The following MTA3 variants were observed in gnomAD, a reference collection of about 807,000 sequenced individuals.
MTA3 encodes metastasis-associated protein MTA3.
A neutral mutation model predicts 83.5 loss-of-function variants in MTA3; 34 were observed. The observed-to-expected ratio is 0.41, with a 90% CI of 0.31 to 0.54. The LOEUF is 0.54. MTA3 is among the 20% of genes least tolerant of loss of function. The pLI is 0.33. For missense variants in MTA3, 761 were observed against 726.4 expected (o/e 1.05, Z -0.55); for synonymous variants, 303 against 252.7 (o/e 1.20, Z -1.89).
At chr2:42,632,190 C>T (rs777400844) in intron 4 of MTA3, among the ~76,000 whole-genome samples, 1 of 144,870 alleles carries the variant, frequency 6.9e-6, no homozygotes, top group African/African-American at 2.6e-5. Flanking sequence ...CCCAGGTTCA[C>T]GCCATTCTCC....
In MTA3 at chr2:42,699,349, G is replaced by A. The variant is rs147765258; in HGVS notation, c.1025+1515G>A. ...CCCAGGTAGCTGGGACTATAGGCAC[G>A]CACCACCACACCCGACTAATTTATT... On this transcript the variant is annotated intron_variant, in intron 11 of 16. Transcript: ENST00000405094. Among the ~76,000 whole-genome samples, 14 of 152,184 alleles carry A rather than the reference G, an allele frequency of 9.2e-5. No individual in the cohort carries two copies. The South Asian group carries it at 2.7e-3, about 29-fold the overall frequency.
intron 7 of MTA3, among the ~76,000 whole-genome samples, chr2:42,658,931 C>CAA (rs528285589): frequency 3.9e-4 from 40 of 102,122 alleles, no homozygotes; most frequent in African/African-American, 1.2e-3. Context: ...TTTAATTAGC[C>CAA]AAAAAAAAAA....
At chr2:42,508,395 C>T (rs1447384831) in intron 2 of MTA3, among the ~76,000 whole-genome samples, 1 of 151,810 alleles carries the variant, frequency 6.6e-6, no homozygotes, top group African/African-American at 2.4e-5. Flanking sequence ...GCAGTGGCAC[C>T]ATCTCCACTC....
intron 4 of MTA3, among the ~76,000 whole-genome samples, chr2:42,630,429 G>A (rs1173566710): frequency 1.3e-5 from 2 of 152,208 alleles, no homozygotes; most frequent in African/African-American, 4.8e-5. Context: ...CAGGTCTTCA[G>A]TGTTTTAGTC....
chr2:42,682,195 C>A (rs1375817362), intron 8 of MTA3, among the ~76,000 whole-genome samples: 2 of 151,942 alleles, frequency 1.3e-5, no homozygotes, highest in Non-Finnish European at 2.9e-5. Flanking sequence ...TGCTCCCCTC[C>A]CCCCAAATAA....
At chr2:42,605,710 G>A (rs1332411559) in intron 3 of MTA3, among the ~76,000 whole-genome samples, 1 of 129,100 alleles carries the variant, frequency 7.7e-6, no homozygotes, top group Admixed American at 7.3e-5. Flanking sequence ...GGCCGGGCGG[G>A]GGGCCGACCC....
chr2:42,534,180 G>C (rs1676112471), intron 2 of MTA3, among the ~76,000 whole-genome samples: 1 of 152,172 alleles, frequency 6.6e-6, no homozygotes, highest in Admixed American at 6.6e-5. Context: ...TCTGAAGGTA[G>C]GGAGCAGATT....
In MTA3 at chr2:42,753,517, G is replaced by A. The variant is rs1409824809; in HGVS notation, c.*118G>A. 19 of 1,521,322 alleles carry A rather than the reference G, an allele frequency of 1.2e-5. No individual in the cohort carries two copies. The highest frequency in any genetic ancestry group is 2.0e-5 in the Admixed American group (1 of 48,814). The allele number at this position is 1,521,322 out of a possible 1,614,324, so 94.2% of individuals were successfully genotyped here. On this transcript the variant is annotated 3_prime_UTR_variant, in exon 17 of 17. Coordinates refer to ENST00000405094, the MANE Select transcript of MTA3 (RefSeq NM_001330442.2). ...GTACATTTCAGTGGGAGACCTCTGC[G>A]TGCATCCATGGAGACGCAATGGGGC...
rs77890268 is a variant in MTA3, at chr2:42,663,827, C to T, written c.702+3965C>T. ...CTCCTTCTAGGAAGTTACCTTCACA[C>T]CCTTCAGTGTTTTTTATCTCTCCTG... On this transcript the variant is annotated intron_variant, in intron 8 of 16. Coordinates refer to ENST00000405094, the MANE Select transcript of MTA3 (RefSeq NM_001330442.2). Among the ~76,000 whole-genome samples the T allele has an allele frequency of 8.5e-3, 1,289 of 152,284 alleles. 18 individuals carry two copies. Among genetic ancestry groups the T allele is most frequent in the African/African-American group, 0.029 (1,188 of 41,554 alleles).
At chr2:42,506,061 A>G (rs2103655056) in intron 2 of MTA3, among the ~76,000 whole-genome samples, 1 of 152,156 alleles carries the variant, frequency 6.6e-6, no homozygotes, top group African/African-American at 2.4e-5. Flanking sequence ...TACCACACCC[A>G]GCCCCCTCAA....
chr2:42,512,305 T>G (rs1184648239), intron 2 of MTA3, among the ~76,000 whole-genome samples: 2 of 152,072 alleles, frequency 1.3e-5, no homozygotes, highest in Non-Finnish European at 2.9e-5. Flanking sequence ...TGATGAGAGA[T>G]GAGTGCCCAC....
intron 8 of MTA3, among the ~76,000 whole-genome samples, chr2:42,677,070 C>G (rs555070023): frequency 6.6e-6 from 1 of 152,128 alleles, no homozygotes; most frequent in East Asian, 1.9e-4. Flanking sequence ...TACACTATAC[C>G]TAACATAAGG....
chr2:42,555,464 A>G (rs1677336256), intron 2 of MTA3, among the ~76,000 whole-genome samples: 1 of 149,570 alleles, frequency 6.7e-6, no homozygotes, highest in African/African-American at 2.5e-5. Context: ...TCAAAAAAAA[A>G]AAAAAAAAAA....
intron 6 of MTA3, among the ~76,000 whole-genome samples, chr2:42,646,179 A>T (rs1688164843): frequency 6.6e-6 from 1 of 152,226 alleles, no homozygotes; most frequent in Non-Finnish European, 1.5e-5. Context: ...CTGCTTAGGA[A>T]AAAGGATTCC....
intron 2 of MTA3, among the ~76,000 whole-genome samples, chr2:42,505,695 T>G (rs769887267): frequency 5.9e-5 from 9 of 151,986 alleles, no homozygotes; most frequent in African/African-American, 2.2e-4. Context: ...ATGTCTGATA[T>G]GTACTTCAGA....
At chr2:42,662,255 A>C (rs1293195438) in intron 8 of MTA3, among the ~76,000 whole-genome samples, 2 of 152,004 alleles carry the variant, frequency 1.3e-5, no homozygotes, top group African/African-American at 4.8e-5. Flanking sequence ...TCATAATGCT[A>C]TGTTGAAAAT....
intron 2 of MTA3, among the ~76,000 whole-genome samples, chr2:42,502,512 AAT>A (rs1177205337): frequency 2.0e-5 from 3 of 151,924 alleles, no homozygotes; most frequent in Admixed American, 1.3e-4. Flanking sequence ...AAGGGGTCCC[AAT>A]CCAGCCGGGT....
At chr2:42,692,328 G>A (rs1692972955) in intron 9 of MTA3, among the ~76,000 whole-genome samples, 1 of 147,460 alleles carries the variant, frequency 6.8e-6, no homozygotes, top group South Asian at 2.2e-4. Flanking sequence ...TTTTATTTCA[G>A]TCTCTGTTAA....
In MTA3 at chr2:42,579,141, GC is replaced by G. The variant is rs1169496475; in HGVS notation, c.132del (p.Tyr46IlefsTer11). 3.1e-6 allele frequency: 5 copies of G among 1,608,508 alleles called. No individual in the cohort carries two copies. Among genetic ancestry groups the G allele is most frequent in the Non-Finnish European group, 4.2e-6 (5 of 1,177,694 alleles). ...GGCAACGTGGAAGCAAAAGTAGTAT[GC>G]TTTTATAGACGACGTGATATTTCCA... is the stretch of plus-strand genomic sequence containing the variant. Reference protein sequence around the residue: ...ASGNVEAKVVCFYRRRDISNT... With the variant: ...ASGNVEAKVVXFYRRRDISNT... On this transcript the variant is annotated frameshift_variant, in exon 3 of 17. Transcript: ENST00000405094. LOFTEE classifies it high-confidence loss of function.
Sources: allele counts gnomAD v4.1 joint callset (sites outside exome capture counted in the v4.1 genomes callset), GRCh38; gene constraint gnomAD v4.1.1; transcripts MANE v1.5; gene names NCBI Gene and HGNC (gene_info 2026-07-23, HGNC 2026-07-21).